Variants in SNAP25 observed in about 807,000 individuals in gnomAD.
SNAP25 encodes synaptosome associated protein 25.
SNAP25 carries 3 observed loss-of-function variants against 28.7 expected under a neutral mutation model. The ratio of observed to expected loss-of-function variants is 0.10; its 90% CI spans 0.05 to 0.27. SNAP25 has a LOEUF of 0.27. SNAP25 is among the 10% of genes least tolerant of loss of function. The pLI is 1.00. For synonymous variants in SNAP25, 61 were observed against 88.1 expected (o/e 0.69, Z 1.72); for missense variants, 117 against 278.7 (o/e 0.42, Z 4.13).
chr20:10,287,497 A>G (rs6032841), intron 4 of SNAP25, among the ~76,000 whole-genome samples: 33,792 of 145,568 alleles, frequency 0.23, 4,207 homozygotes, highest in Middle Eastern at 0.33. Flanking sequence ...ATCATTAAAA[A>G]GTCAGGAAAC....
chr20:10,265,408 T>G (rs1026242594), intron 1 of SNAP25, among the ~76,000 whole-genome samples: 2 of 152,192 alleles, frequency 1.3e-5, no homozygotes, highest in African/African-American at 2.4e-5. Flanking sequence ...GGGAGAAGAA[T>G]AATTTATCAG....
intron 1 of SNAP25, among the ~76,000 whole-genome samples, chr20:10,237,339 C>T (rs2062942275): frequency 1.3e-5 from 2 of 152,148 alleles, no homozygotes; most frequent in Admixed American, 6.5e-5. Context: ...AAACTTGCAC[C>T]CAGCCCTGCA....
chr20:10,293,075 A>G lies in SNAP25; in HGVS notation c.164-86A>G, dbSNP rs1482935048. On this transcript the variant is annotated intron_variant, in intron 4 of 7. Transcript: ENST00000254976. This position sits in a 1 kb window ranked among gnomAD's most constrained non-coding sequence, Gnocchi z 5.6. ...TTTTTTTTTTCTTTTTTAATGTCAAAGTGAATGTCTGAAGTTTTGTCTTTT... is the reference window on the plus strand; with the variant it reads ...TTTTTTTTTTCTTTTTTAATGTCAAGGTGAATGTCTGAAGTTTTGTCTTTT... The G allele has an allele frequency of 6.9e-7, 1 of 1,444,998 alleles. No individual in the cohort carries two copies. The highest frequency in any genetic ancestry group is 9.5e-7 in the Non-Finnish European group (1 of 1,058,154). 89.5% of individuals were successfully genotyped at this position (1,444,998 alleles called of 1,614,324 possible).
chr20:10,296,675 A>C (rs2064117352), intron 5 of SNAP25: 3 of 472,896 alleles, frequency 6.3e-6, no homozygotes, highest in Non-Finnish European at 1.1e-5. Flanking sequence ...AAAACAAACC[A>C]AAACAAGAAC....
intron 1 of SNAP25, among the ~76,000 whole-genome samples, chr20:10,238,494 A>G (rs535633420): frequency 1.8e-4 from 28 of 152,206 alleles, no homozygotes; most frequent in Non-Finnish European, 4.0e-4. Flanking sequence ...GTAATAAACA[A>G]AACTGTAGCT....
chr20:10,266,116 G>C (rs569603542), intron 1 of SNAP25, among the ~76,000 whole-genome samples: 2 of 152,274 alleles, frequency 1.3e-5, no homozygotes, highest in African/African-American at 4.8e-5. Context: ...AATAGATGCA[G>C]CTGATTTTGC....
intron 1 of SNAP25, among the ~76,000 whole-genome samples, chr20:10,257,270 C>A (rs1425026364): frequency 1.3e-5 from 2 of 152,162 alleles, no homozygotes; most frequent in Non-Finnish European, 2.9e-5. Flanking sequence ...ATTTAGCCTT[C>A]CGAAGCAAAA....
chr20:10,295,412 A>T (rs1443781421), intron 5 of SNAP25, among the ~76,000 whole-genome samples: 3 of 152,220 alleles, frequency 2.0e-5, no homozygotes, highest in Non-Finnish European at 2.9e-5. Flanking sequence ...AATAAAAATT[A>T]AAAAAGCCAG....
intron 1 of SNAP25, among the ~76,000 whole-genome samples, chr20:10,223,754 T>C (rs1198857596): frequency 1.3e-5 from 2 of 152,226 alleles, no homozygotes; most frequent in African/African-American, 2.4e-5. Flanking sequence ...TCAGAATTGC[T>C]ATTATTGCCT....
chr20:10,260,137 C>A (rs1030374448), intron 1 of SNAP25, among the ~76,000 whole-genome samples: 59 of 152,246 alleles, frequency 3.9e-4, no homozygotes, highest in African/African-American at 1.3e-3. Context: ...GAGTCTGTTG[C>A]AAATTTTCCT....
intron 1 of SNAP25, among the ~76,000 whole-genome samples, chr20:10,261,154 C>T (rs6074112): frequency 6.6e-6 from 1 of 152,108 alleles, no homozygotes; most frequent in African/African-American, 2.4e-5. Flanking sequence ...TTTCTCCAAG[C>T]TAAATACCCT....
intron 1 of SNAP25, among the ~76,000 whole-genome samples, chr20:10,250,579 G>T (rs1168955320): frequency 1.2e-4 from 19 of 152,210 alleles, no homozygotes; most frequent in Middle Eastern, 3.4e-3. Context: ...CGCTTAATGG[G>T]CAAAGTATGT....
Position 10,278,006 on chromosome 20 carries a change from C to A in SNAP25, c.114+280C>A, listed in dbSNP as rs6039806. The A allele has an allele frequency of 0.53, 157,857 of 295,836 alleles. 43,424 individuals are homozygous for A. Among genetic ancestry groups the A allele is most frequent in the African/African-American group, 0.73 (33,782 of 46,376 alleles). 18.3% of individuals were successfully genotyped at this position (295,836 alleles called of 1,614,324 possible). On this transcript the variant is annotated intron_variant, in intron 3 of 7. Transcript: ENST00000254976. Reference sequence around the variant, plus strand: ...GTCTGTGCTCTCAAGAAATCACAGACGATTGTATCACTTTAAGCAAATTAG... The same window carrying A: ...GTCTGTGCTCTCAAGAAATCACAGAAGATTGTATCACTTTAAGCAAATTAG...
intron 4 of SNAP25, among the ~76,000 whole-genome samples, chr20:10,291,566 C>T (rs901277878): frequency 6.6e-5 from 10 of 152,174 alleles, no homozygotes; most frequent in African/African-American, 2.4e-4. Flanking sequence ...GTTCTTTAGC[C>T]TCACGAAAGA....
intron 1 of SNAP25, among the ~76,000 whole-genome samples, chr20:10,238,236 A>C (rs2062959369): frequency 6.6e-6 from 1 of 152,196 alleles, no homozygotes; most frequent in Admixed American, 6.5e-5. Flanking sequence ...GGAAGGAATC[A>C]TGGAACCATT....
At position 10,277,736 on chromosome 20, in the gene SNAP25, G is replaced by A; in HGVS notation, c.114+10G>A. The A allele has an allele frequency of 6.2e-7, 1 of 1,612,646 alleles. No individual in the cohort carries two copies. Among genetic ancestry groups the A allele is most frequent in the Non-Finnish European group, 8.5e-7 (1 of 1,179,028 alleles). ...GCAACTGGTTGAAGAGGTAAGAAGT[G>A]ACAGTATTTTAAGATAAAGGAACAA... On this transcript the variant is annotated intron_variant, in intron 3 of 7. Transcript: ENST00000254976.
At chr20:10,260,865 T>C (rs1181538149) in intron 1 of SNAP25, among the ~76,000 whole-genome samples, 1 of 152,016 alleles carries the variant, frequency 6.6e-6, no homozygotes, top group Non-Finnish European at 1.5e-5. Flanking sequence ...TTAGTAAACC[T>C]TTCCATAGAT....
At chr20:10,282,162 T>G (rs62185258) in intron 3 of SNAP25, among the ~76,000 whole-genome samples, 15 of 76,600 alleles carry the variant, frequency 2.0e-4, no homozygotes, top group African/African-American at 5.8e-4. Context: ...GAAGGAAGGA[T>G]GGAAGGAAGG....
intron 5 of SNAP25, 23 bp from the exon 6 acceptor site, chr20:10,296,902 C>CTA: frequency 6.2e-7 from 1 of 1,613,812 alleles, no homozygotes; most frequent in Non-Finnish European, 8.5e-7. Flanking sequence ...TGTGCCTTGT[C>CTA]ACTCACCCTC....
Sources: gnomAD v4.1 joint callset for allele counts (sites outside exome capture counted in the v4.1 genomes callset) on GRCh38, gnomAD v4.1.1 for gene constraint, Gnocchi (gnomAD v3.1) non-coding constraint, MANE v1.5 for transcripts, NCBI Gene and HGNC (gene_info 2026-07-23, HGNC 2026-07-21) for gene names.